Variants in ZBTB7C observed in about 807,000 individuals in gnomAD.
ZBTB7C encodes zinc finger and BTB domain containing 7C, also known as zinc finger and BTB domain-containing protein 7C.
In ZBTB7C, 8 loss-of-function variants were observed where a neutral mutation model predicts 25.7. The ratio of observed to expected loss-of-function variants is 0.31; its 90% CI spans 0.18 to 0.56. The LOEUF (loss-of-function observed/expected upper bound fraction) is 0.56. ZBTB7C is among the 20% of genes least tolerant of loss of function. ZBTB7C has a pLI of 0.91. For missense variants in ZBTB7C, 824 were observed against 855.2 expected (o/e 0.96, Z 0.46); for synonymous variants, 394 against 369.0 (o/e 1.07, Z -0.78).
intron 2 of ZBTB7C, among the ~76,000 whole-genome samples, chr18:48,269,175 G>T (rs2044402625): frequency 1.3e-5 from 2 of 152,090 alleles, no homozygotes; most frequent in South Asian, 4.2e-4. Context: ...TGTTGACCAG[G>T]CTGCTCCCAA....
chr18:48,249,984 G>A (rs62088930), intron 2 of ZBTB7C, among the ~76,000 whole-genome samples: 7 of 152,140 alleles, frequency 4.6e-5, no homozygotes, highest in Admixed American at 4.6e-4. Context: ...TGCCTTGGCC[G>A]GAAGTTTTGC....
At chr18:48,265,745 G>C (rs139085970) in intron 2 of ZBTB7C, among the ~76,000 whole-genome samples, 1 of 152,228 alleles carries the variant, frequency 6.6e-6, no homozygotes, top group African/African-American at 2.4e-5. Flanking sequence ...TAACTGGCCT[G>C]TATTCAACAA....
chr18:48,054,179 C>T (rs2036818503), intron 3 of ZBTB7C, among the ~76,000 whole-genome samples: 1 of 152,112 alleles, frequency 6.6e-6, no homozygotes, highest in South Asian at 2.1e-4. Flanking sequence ...GGAATCCTTC[C>T]GCGAAGGAAA....
chr18:48,247,738 C>CG (rs141650010), intron 2 of ZBTB7C, among the ~76,000 whole-genome samples: 8,355 of 152,230 alleles, frequency 0.055, 246 homozygotes, highest in African/African-American at 0.073. Context: ...AATTGGATCA[C>CG]GGGGGTAGTT....
At chr18:48,037,680 CACAG>C (rs1384367564) in intron 4 of ZBTB7C, among the ~76,000 whole-genome samples, 4 of 152,178 alleles carry the variant, frequency 2.6e-5, no homozygotes, top group African/African-American at 9.7e-5. Flanking sequence ...TATCCTGAGA[CACAG>C]ATAGATCCTT....
chr18:48,154,445 TTGAC>T (rs2040773009), intron 3 of ZBTB7C, among the ~76,000 whole-genome samples: 1 of 152,176 alleles, frequency 6.6e-6, no homozygotes, highest in Non-Finnish European at 1.5e-5. Context: ...ATTGTAGCCA[TTGAC>T]TGTATACCAA....
chr18:48,262,569 G>C (rs73955672), intron 2 of ZBTB7C, among the ~76,000 whole-genome samples: 166 of 152,166 alleles, frequency 1.1e-3, no homozygotes, highest in African/African-American at 4.0e-3. Context: ...AGTGTAGAGT[G>C]GTCTCATCTT....
intron 1 of ZBTB7C, among the ~76,000 whole-genome samples, chr18:48,388,352 T>C (rs2145241253): frequency 6.6e-6 from 1 of 152,278 alleles, no homozygotes; most frequent in East Asian, 1.9e-4. Context: ...CATTCATCTC[T>C]TCTCCCTAGC....
chr18:48,409,964 A>G (rs1220229199), upstream of ZBTB7C, among the ~76,000 whole-genome samples: 2 of 144,170 alleles, frequency 1.4e-5, no homozygotes, highest in Non-Finnish European at 3.0e-5. Context: ...TTTTAGGTCC[A>G]CACCCGACCC....
At chr18:48,233,743 C>T (rs1185213905) in intron 2 of ZBTB7C, among the ~76,000 whole-genome samples, 2 of 152,182 alleles carry the variant, frequency 1.3e-5, no homozygotes, top group Non-Finnish European at 2.9e-5. Flanking sequence ...TGGGATAGGT[C>T]CCATATTCAT....
At chr18:48,101,081 G>A (rs1170232328) in intron 3 of ZBTB7C, among the ~76,000 whole-genome samples, 1 of 145,830 alleles carries the variant, frequency 6.9e-6, no homozygotes, top group Non-Finnish European at 1.6e-5. Flanking sequence ...CCTGGGGAAG[G>A]AGCCAGCCCA....
chr18:48,380,825 T>C (rs1339339556), intron 1 of ZBTB7C, among the ~76,000 whole-genome samples: 1 of 152,204 alleles, frequency 6.6e-6, no homozygotes, highest in Non-Finnish European at 1.5e-5. Flanking sequence ...TATAAGATAT[T>C]AAGAATAGGG....
intron 2 of ZBTB7C, among the ~76,000 whole-genome samples, chr18:48,203,135 T>C (rs2042495691): frequency 1.3e-5 from 2 of 152,142 alleles, no homozygotes; most frequent in African/African-American, 4.8e-5. Context: ...GCCTCTGCCA[T>C]GAGAGTCTTC....
chr18:48,248,695 C>T (rs2043765188), intron 2 of ZBTB7C, among the ~76,000 whole-genome samples: 1 of 152,088 alleles, frequency 6.6e-6, no homozygotes, highest in African/African-American at 2.4e-5. Context: ...ATCCGGCCCA[C>T]AAAAGGCACC....
chr18:48,299,298 A>G (rs920106173), intron 2 of ZBTB7C, among the ~76,000 whole-genome samples: 1 of 152,210 alleles, frequency 6.6e-6, no homozygotes, highest in African/African-American at 2.4e-5. Context: ...TGCTGTCCTC[A>G]CACCCATGAC....
intron 2 of ZBTB7C, among the ~76,000 whole-genome samples, chr18:48,299,775 C>A (rs143333621): frequency 6.6e-6 from 1 of 152,190 alleles, no homozygotes; most frequent in Non-Finnish European, 1.5e-5. Flanking sequence ...AGAGAGTTCA[C>A]GGAAGTGAAG....
intron 2 of ZBTB7C, among the ~76,000 whole-genome samples, chr18:48,272,413 A>G (rs1158677878): frequency 6.6e-6 from 1 of 152,228 alleles, no homozygotes; most frequent in East Asian, 1.9e-4. Flanking sequence ...GATGACAGGA[A>G]GGGCATAAAA....
chr18:48,386,827 A>T (rs915415315), intron 1 of ZBTB7C, among the ~76,000 whole-genome samples: 1 of 152,172 alleles, frequency 6.6e-6, no homozygotes, highest in African/African-American at 2.4e-5. Flanking sequence ...CAATAGAAAT[A>T]TTACTCAAAT....
chr18:48,083,604 G>A (rs1456009152), intron 3 of ZBTB7C, among the ~76,000 whole-genome samples: 1 of 152,140 alleles, frequency 6.6e-6, no homozygotes, highest in African/African-American at 2.4e-5. Flanking sequence ...ACAGAGCCCT[G>A]TTTCCATAGG....
Sources: allele counts gnomAD v4.1 joint callset (sites outside exome capture counted in the v4.1 genomes callset), GRCh38; gene constraint gnomAD v4.1.1; transcripts MANE v1.5; gene names NCBI Gene and HGNC (gene_info 2026-07-23, HGNC 2026-07-21).